Variants in SETD5 observed in about 807,000 individuals in gnomAD.
SETD5 encodes histone-lysine N-methyltransferase SETD5.
SETD5 carries 44 observed loss-of-function variants against 153.3 expected under a neutral mutation model. The observed-to-expected ratio is 0.29, with a 90% CI of 0.23 to 0.37. The LOEUF (loss-of-function observed/expected upper bound fraction) is 0.37, where lower values mean the gene tolerates loss of function less well. Ranked by LOEUF, SETD5 falls within the 10% of genes least tolerant of loss-of-function variation. SETD5 has a pLI of 1.00. For missense variants in SETD5, 1,544 were observed against 1,768.0 expected, an observed-to-expected ratio of 0.87 and a Z score of 2.27; for synonymous variants, 716 against 645.2, an observed-to-expected ratio of 1.11 and a Z score of -1.66.
chr3:9,417,676 G>A (rs1327928377), intron 1 of SETD5, among the ~76,000 whole-genome samples: 5 of 151,832 alleles, frequency 3.3e-5, no homozygotes, highest in African/African-American at 7.2e-5. Flanking sequence ...TAGTAGAGAC[G>A]GGGTTTCACC....
intron 3 of SETD5, chr3:9,430,958 G>A (rs1021270893): frequency 2.0e-6 from 2 of 985,240 alleles, no homozygotes; most frequent in African/African-American, 1.7e-5. Flanking sequence ...ATGCATTTCT[G>A]CAAAGGGAAA....
chr3:9,438,591 G>A (rs2040881956), intron 7 of SETD5, among the ~76,000 whole-genome samples: 1 of 152,110 alleles, frequency 6.6e-6, no homozygotes, highest in Admixed American at 6.5e-5. Context: ...TTTATGCTCA[G>A]AATTACTAGT....
Position 9,434,571 on chromosome 3 carries a change from C to T in SETD5, c.329+86C>T. The T allele has an allele frequency of 1.9e-6, 3 of 1,573,704 alleles. No individual in the cohort carries two copies. The highest frequency in any genetic ancestry group is 1.2e-5 in the South Asian group (1 of 85,520). ...TAGGGAAAAGCTCAAAGTATTCTTT[C>T]TTGTGTTTGTTAATGTAGATGATTC... On this transcript the variant is annotated intron_variant, in intron 5 of 22. Transcript: ENST00000402198. The surrounding 1 kb of genome is among the most constrained non-coding windows in gnomAD (Gnocchi z 5.6).
At chr3:9,427,451 G>A (rs1224201933) in intron 2 of SETD5, among the ~76,000 whole-genome samples, 4 of 152,192 alleles carry the variant, frequency 2.6e-5, no homozygotes, top group Non-Finnish European at 5.9e-5. Flanking sequence ...TTGGGAAGCT[G>A]AGGCAGGAGA....
At chr3:9,461,019 G>A (rs1368740279) in intron 17 of SETD5, among the ~76,000 whole-genome samples, 1 of 152,002 alleles carries the variant, frequency 6.6e-6, no homozygotes, top group African/African-American at 2.4e-5. Flanking sequence ...AAAATTGAAG[G>A]CAATCAGTAA....
chr3:9,436,846 A>G, intron 7 of SETD5: 1 of 1,550,086 alleles, frequency 6.5e-7, no homozygotes, highest in Non-Finnish European at 8.7e-7. Flanking sequence ...CCTCCTTGGG[A>G]TAGGCATTTC....
At chr3:9,473,760 C>G (rs2045578537) in intron 20 of SETD5, among the ~76,000 whole-genome samples, 1 of 152,160 alleles carries the variant, frequency 6.6e-6, no homozygotes, top group African/African-American at 2.4e-5. Flanking sequence ...TGGAGCAGTG[C>G]TTTGGATGAC....
At chr3:9,420,926 G>A (rs1453419345) in intron 1 of SETD5, among the ~76,000 whole-genome samples, 1 of 151,640 alleles carries the variant, frequency 6.6e-6, no homozygotes, top group Non-Finnish European at 1.5e-5. Flanking sequence ...TAAAAACAGT[G>A]TTTAGCCATA....
rs2045212877 is a variant in SETD5 at position 9,470,795 on chromosome 3, C to A, written c.3061C>A (p.Pro1021Thr). 1.2e-6 allele frequency: 2 copies of A among 1,613,664 alleles called. No homozygotes were observed. Among genetic ancestry groups the A allele is most frequent in the Non-Finnish European group, 1.7e-6 (2 of 1,179,748 alleles). Residue 1021 changes from proline (P) to threonine (T), a missense_variant, in exon 19 of 23, where the codon CCT (proline) becomes ACT (threonine). Transcript: ENST00000402198. ...ACATTTGGATGGGGGATATTGTTCC[C>A]CTGCAGAAGGATTTTCCAGCAGATA... ...PLHLDGGYCSPAEGFSSRYEH... is the reference protein window; with the variant it reads ...PLHLDGGYCSTAEGFSSRYEH...
chr3:9,433,357 G>GTACT, intron 3 of SETD5: 1 of 1,289,468 alleles, frequency 7.8e-7, no homozygotes, highest in East Asian at 5.5e-5. Context: ...GTTTTTACCT[G>GTACT]TACTTTCTTC....
intron 3 of SETD5, among the ~76,000 whole-genome samples, chr3:9,432,073 C>G (rs990461474): frequency 6.6e-6 from 1 of 151,950 alleles, no homozygotes; most frequent in African/African-American, 2.4e-5. Context: ...TAGGAAACCC[C>G]ACCTGTTTCC....
intron 17 of SETD5, among the ~76,000 whole-genome samples, chr3:9,454,492 G>A (rs927516941): frequency 4.0e-5 from 6 of 151,858 alleles, no homozygotes; most frequent in Admixed American, 3.3e-4. Context: ...GGTGGCAGGT[G>A]CCTGTAATCC....
At chr3:9,413,882 A>G (rs561784447) in intron 1 of SETD5, among the ~76,000 whole-genome samples, 2 of 151,922 alleles carry the variant, frequency 1.3e-5, no homozygotes, top group East Asian at 1.9e-4. Context: ...GGTTCAAGCA[A>G]TTTTCCTACC....
intron 1 of SETD5, among the ~76,000 whole-genome samples, chr3:9,400,310 A>C (rs1319400256): frequency 2.6e-5 from 4 of 152,142 alleles, no homozygotes; most frequent in African/African-American, 9.7e-5. Flanking sequence ...GTTCCATTAG[A>C]GTTTTAATTT....
intron 1 of SETD5, among the ~76,000 whole-genome samples, chr3:9,417,472 T>C (rs1385995011): frequency 2.6e-5 from 4 of 151,702 alleles, no homozygotes; most frequent in Non-Finnish European, 5.9e-5. Flanking sequence ...AGTAAATCAG[T>C]ATAGATAAGT....
At chr3:9,414,435 A>G (rs967797927) in intron 1 of SETD5, among the ~76,000 whole-genome samples, 1 of 152,166 alleles carries the variant, frequency 6.6e-6, no homozygotes, top group Non-Finnish European at 1.5e-5. Flanking sequence ...GTATGAGGCT[A>G]TCATTGCTTC....
In SETD5 at chr3:9,470,762, A is replaced by C. The variant is rs1350559445; in HGVS notation, c.3028A>C (p.Lys1010Gln). The C allele has an allele frequency of 6.2e-7, 1 of 1,613,946 alleles. No homozygotes were observed. Among genetic ancestry groups the C allele is most frequent in the South Asian group, 1.1e-5 (1 of 91,080 alleles). Residue 1010 changes from lysine to glutamine, a missense_variant, in exon 19 of 23, where the codon AAG becomes CAG. Coordinates refer to ENST00000402198, the MANE Select transcript of SETD5 (RefSeq NM_001080517.3). The stretch of plus-strand genomic sequence containing the variant: ...AGGATCTCCTCTAGTGGGGGATAGG[A>C]AGCCTTTACATTTGGATGGGGGATA... ...YRGSPLVGDR[K>Q]PLHLDGGYCS...
intron 3 of SETD5, chr3:9,430,034 A>G: frequency 1.8e-6 from 2 of 1,103,182 alleles, no homozygotes; most frequent in Non-Finnish European, 2.3e-6. Context: ...TTGATCCCAC[A>G]GCCACTTCTT....
chr3:9,470,043 C>T (rs1424705747), intron 18 of SETD5, among the ~76,000 whole-genome samples: 1 of 152,076 alleles, frequency 6.6e-6, no homozygotes, highest in Non-Finnish European at 1.5e-5. Context: ...AATTGATAAC[C>T]CCGGAAGCCA....
Sources: allele counts gnomAD v4.1 joint callset (sites outside exome capture counted in the v4.1 genomes callset), GRCh38; gene constraint gnomAD v4.1.1; non-coding constraint Gnocchi (gnomAD v3.1); transcripts MANE v1.5; gene names NCBI Gene and HGNC (gene_info 2026-07-23, HGNC 2026-07-21).